The following THSD7B variants were observed in gnomAD, a reference collection of about 807,000 sequenced individuals.
THSD7B encodes the protein thrombospondin type-1 domain-containing protein 7B.
Under a neutral mutation model 213.6 loss-of-function variants are expected in THSD7B, and 138 were observed. That is an observed-to-expected ratio of 0.65 (90% CI 0.56 to 0.74). THSD7B has a LOEUF of 0.74. THSD7B is among the 30% of genes least tolerant of loss of function. THSD7B has a pLI of 0.00. For missense variants in THSD7B, 1,931 were observed against 1,991.5 expected (o/e 0.97, Z 0.58); for synonymous variants, 742 against 687.0 (o/e 1.08, Z -1.25).
At chr2:136,863,594 G>A (rs1355322253) in intron 1 of THSD7B, among the ~76,000 whole-genome samples, 2 of 152,174 alleles carry the variant, frequency 1.3e-5, no homozygotes, top group Admixed American at 1.3e-4. Flanking sequence ...CATTGTGATG[G>A]AATTTGGCCT....
At chr2:137,401,331 G>A (rs1293708404) in intron 12 of THSD7B, among the ~76,000 whole-genome samples, 2 of 152,026 alleles carry the variant, frequency 1.3e-5, no homozygotes, top group East Asian at 3.9e-4. Flanking sequence ...TTTGTTTTGT[G>A]TGCTTTGCTG....
intron 2 of THSD7B, among the ~76,000 whole-genome samples, chr2:136,985,318 A>T (rs1194610769): frequency 2.0e-5 from 3 of 152,142 alleles, no homozygotes; most frequent in Non-Finnish European, 4.4e-5. Flanking sequence ...GAGACCTCGG[A>T]GGAGAGAATA....
At chr2:137,574,777 C>G (rs181601526) in intron 17 of THSD7B, among the ~76,000 whole-genome samples, 30 of 152,162 alleles carry the variant, frequency 2.0e-4, no homozygotes, top group Admixed American at 1.6e-3. Context: ...AATGTCCCGT[C>G]ATCATAGGAC....
intron 15 of THSD7B, among the ~76,000 whole-genome samples, chr2:137,562,659 T>A (rs1168710943): frequency 6.7e-6 from 1 of 149,698 alleles, no homozygotes. Context: ...TCTGAAAACA[T>A]CCTACATATA....
chr2:137,290,277 G>A (rs1683295282), intron 12 of THSD7B, among the ~76,000 whole-genome samples: 1 of 151,970 alleles, frequency 6.6e-6, no homozygotes, highest in Admixed American at 6.6e-5. Context: ...TTTTAGTAGA[G>A]AAAGGGTTTC....
intron 2 of THSD7B, among the ~76,000 whole-genome samples, chr2:137,023,043 G>T (rs1347309704): frequency 2.6e-5 from 4 of 152,104 alleles, no homozygotes; most frequent in African/African-American, 7.2e-5. Context: ...TATAAGAATG[G>T]CTCTATCAAA....
intron 12 of THSD7B, among the ~76,000 whole-genome samples, chr2:137,333,236 G>A (rs2104896772): frequency 6.6e-6 from 1 of 151,580 alleles, no homozygotes; most frequent in South Asian, 2.1e-4. Flanking sequence ...CCTCCTGGGA[G>A]GACGCAAATT....
intron 20 of THSD7B, among the ~76,000 whole-genome samples, chr2:137,626,525 C>G (rs1486763458): frequency 6.7e-6 from 1 of 149,996 alleles, no homozygotes; most frequent in Non-Finnish European, 1.5e-5. Flanking sequence ...TTCCATTGTT[C>G]TCACCATTAC....
In THSD7B at chr2:137,405,529, G is replaced by T; in HGVS notation, c.2501-84G>T. On this transcript the variant is annotated intron_variant, in intron 12 of 27. Coordinates refer to ENST00000409968, the MANE Select transcript of THSD7B (RefSeq NM_001316349.2). ...TGTGAAGCCCAAGTTTTTAAACATT[G>T]GGGGATTCTGCTGTCTTGTCAAAGA... 3 of 1,326,598 alleles carry T rather than the reference G, an allele frequency of 2.3e-6. No individual in the cohort carries two copies. The South Asian group carries it at 4.6e-5, about 21-fold the overall frequency. The allele number at this position is 1,326,598 out of a possible 1,614,324, so 82.2% of individuals were successfully genotyped here. A position where few individuals can be genotyped will look rare whatever the true frequency, so the allele number is the denominator to read the frequency against.
In THSD7B at chr2:137,233,124, T is replaced by C; in HGVS notation, c.2141T>C (p.Met714Thr). 6.2e-7 allele frequency: 1 copy of C among 1,613,090 alleles called. No individual in the cohort carries two copies. Among genetic ancestry groups the C allele is most frequent in the East Asian group, 2.2e-5 (1 of 44,862 alleles). The change falls in exon 9 of 28, where the codon ATG becomes ACG. Residue 714 changes from methionine (M) to threonine (T), a missense_variant. Transcript: ENST00000409968. The stretch of plus-strand genomic sequence containing the variant: ...GTCAAGAGTCACGTGGGACAAGTAA[T>C]GACCAAAAGGTATTTATTAGGCTGT... ...FCVKSHVGQV[M>T]TKRCPDSTRP...
chr2:136,959,425 T>C (rs1284712128), intron 2 of THSD7B, among the ~76,000 whole-genome samples: 1 of 152,230 alleles, frequency 6.6e-6, no homozygotes, highest in Non-Finnish European at 1.5e-5. Flanking sequence ...TTTCTTGTCA[T>C]AGAACTTCCT....
At chr2:137,055,978 C>G (rs1375805248) in intron 2 of THSD7B, among the ~76,000 whole-genome samples, 1 of 152,104 alleles carries the variant, frequency 6.6e-6, no homozygotes, top group African/African-American at 2.4e-5. Context: ...AAAATCCTGG[C>G]TTTAGGGCTT....
intron 15 of THSD7B, among the ~76,000 whole-genome samples, chr2:137,547,177 C>G (rs973997634): frequency 6.6e-6 from 1 of 152,026 alleles, no homozygotes; most frequent in Non-Finnish European, 1.5e-5. Context: ...ATGCCATTAT[C>G]CAATCAATTT....
intron 7 of THSD7B, among the ~76,000 whole-genome samples, chr2:137,197,602 G>A (rs1341951922): frequency 6.6e-6 from 1 of 152,174 alleles, no homozygotes; most frequent in Non-Finnish European, 1.5e-5. Flanking sequence ...GTGGATGTCA[G>A]AGTAAGTCTT....
intron 2 of THSD7B, among the ~76,000 whole-genome samples, chr2:136,909,377 T>C (rs1422338465): frequency 6.6e-6 from 1 of 152,162 alleles, no homozygotes; most frequent in Non-Finnish European, 1.5e-5. Context: ...AATAGCAAGA[T>C]AACTTTCCTT....
intron 5 of THSD7B, among the ~76,000 whole-genome samples, chr2:137,134,086 A>G (rs1035319143): frequency 6.6e-6 from 1 of 152,208 alleles, no homozygotes; most frequent in African/African-American, 2.4e-5. Context: ...TGCTTCATCT[A>G]AGTCATCTCC....
chr2:136,951,973 G>C (rs896474767), intron 2 of THSD7B, among the ~76,000 whole-genome samples: 1 of 152,092 alleles, frequency 6.6e-6, no homozygotes, highest in Non-Finnish European at 1.5e-5. Flanking sequence ...GGGTTCAAGC[G>C]ATTCTTCTGC....
chr2:137,372,795 C>G (rs1685560223), intron 12 of THSD7B, among the ~76,000 whole-genome samples: 2 of 151,752 alleles, frequency 1.3e-5, no homozygotes, highest in Admixed American at 1.3e-4. Context: ...GTGCTGCACC[C>G]ATTAACTCGT....
At chr2:137,081,833 T>C (rs1204008160) in intron 3 of THSD7B, among the ~76,000 whole-genome samples, 1 of 152,170 alleles carries the variant, frequency 6.6e-6, no homozygotes, top group Admixed American at 6.5e-5. Flanking sequence ...AAGCATCCTC[T>C]TTTGTTGTTT....
Sources: gnomAD v4.1 joint callset for allele counts (sites outside exome capture counted in the v4.1 genomes callset) on GRCh38, gnomAD v4.1.1 for gene constraint, MANE v1.5 for transcripts, NCBI Gene and HGNC (gene_info 2026-07-23, HGNC 2026-07-21) for gene names.